The following CCDC102B variants were observed in gnomAD, a reference collection of about 807,000 sequenced individuals.
CCDC102B encodes the protein coiled-coil domain containing 102B.
Under a neutral mutation model 57.4 loss-of-function variants are expected in CCDC102B, and 75 were observed. That is an observed-to-expected ratio of 1.31 (90% CI 1.08 to 1.58). The LOEUF (loss-of-function observed/expected upper bound fraction) is 1.58. CCDC102B is among the 40% of genes most tolerant of loss of function. CCDC102B has a pLI of 0.00. For missense variants in CCDC102B, 636 were observed against 582.6 expected, an observed-to-expected ratio of 1.09 and a Z score of -0.94; for synonymous variants, 206 against 201.9, an observed-to-expected ratio of 1.02 and a Z score of -0.17.
At chr18:69,022,941 A>G (rs1374714111) in intron 7 of CCDC102B, among the ~76,000 whole-genome samples, 3 of 151,912 alleles carry the variant, frequency 2.0e-5, no homozygotes, top group African/African-American at 4.8e-5. Flanking sequence ...AGTAGATTAC[A>G]TCGACAATTG....
chr18:68,779,966 A>G (rs2034951527), intron 2 of CCDC102B, among the ~76,000 whole-genome samples: 1 of 152,148 alleles, frequency 6.6e-6, no homozygotes, highest in Admixed American at 6.6e-5. Flanking sequence ...TTTATCAACC[A>G]AGATAAAATA....
chr18:68,873,552 G>A (rs549209205), intron 4 of CCDC102B, among the ~76,000 whole-genome samples: 1 of 152,152 alleles, frequency 6.6e-6, no homozygotes, highest in East Asian at 1.9e-4. Context: ...AGTTACTTAA[G>A]TCTCTTAACA....
chr18:69,023,661 C>T (rs984074575), intron 7 of CCDC102B, among the ~76,000 whole-genome samples: 1 of 151,888 alleles, frequency 6.6e-6, no homozygotes, highest in Admixed American at 6.6e-5. Flanking sequence ...AAGTAAATGA[C>T]ATGACCATAG....
chr18:68,747,577 T>A (rs544500689), intron 2 of CCDC102B, among the ~76,000 whole-genome samples: 1 of 152,206 alleles, frequency 6.6e-6, no homozygotes, highest in East Asian at 1.9e-4. Context: ...TTTCTATGAG[T>A]TTGGCTATTA....
intron 6 of CCDC102B, among the ~76,000 whole-genome samples, chr18:68,935,601 G>A (rs974451079): frequency 6.6e-5 from 10 of 152,054 alleles, no homozygotes; most frequent in African/African-American, 1.7e-4. Context: ...TAAACTGGGC[G>A]TCTTCAGCTT....
At chr18:68,971,760 C>A (rs1405731110) in intron 6 of CCDC102B, among the ~76,000 whole-genome samples, 2 of 152,068 alleles carry the variant, frequency 1.3e-5, no homozygotes, top group African/African-American at 4.8e-5. Flanking sequence ...CACAGAAAAC[C>A]CAGTGCTTAT....
chr18:68,734,429 A>G (rs937397800), intron 2 of CCDC102B, among the ~76,000 whole-genome samples: 1 of 152,250 alleles, frequency 6.6e-6, no homozygotes, highest in Admixed American at 6.5e-5. Flanking sequence ...TCAGCATTGC[A>G]GAATGTTTTG....
chr18:69,037,601 G>A (rs1350161364), intron 7 of CCDC102B, among the ~76,000 whole-genome samples: 4 of 151,846 alleles, frequency 2.6e-5, no homozygotes, highest in African/African-American at 9.7e-5. Flanking sequence ...AGCATCCTCA[G>A]GTGATTTATG....
intron 1 of CCDC102B, among the ~76,000 whole-genome samples, chr18:68,827,524 C>T (rs997388158): frequency 2.6e-5 from 4 of 151,872 alleles, no homozygotes; most frequent in Admixed American, 6.6e-5. Context: ...CATATATCAG[C>T]CAGGTGGAAT....
intron 6 of CCDC102B, among the ~76,000 whole-genome samples, chr18:68,918,241 A>G (rs1004098946): frequency 6.6e-6 from 1 of 152,214 alleles, no homozygotes; most frequent in African/African-American, 2.4e-5. Flanking sequence ...TACCTTTGAG[A>G]GTCAGCATTC....
chr18:68,968,656 A>T (rs1341999431), intron 6 of CCDC102B, among the ~76,000 whole-genome samples: 1 of 152,172 alleles, frequency 6.6e-6, no homozygotes, highest in African/African-American at 2.4e-5. Context: ...GAACTGATTC[A>T]TCTTGTATAA....
chr18:68,984,954 G>A (rs558087834), intron 6 of CCDC102B, among the ~76,000 whole-genome samples: 5 of 152,204 alleles, frequency 3.3e-5, no homozygotes, highest in South Asian at 4.1e-4. Flanking sequence ...CTATAAGTAG[G>A]TATCTAAGTC....
intron 2 of CCDC102B, among the ~76,000 whole-genome samples, chr18:68,837,858 A>G (rs2037453284): frequency 6.6e-6 from 1 of 152,224 alleles, no homozygotes; most frequent in Non-Finnish European, 1.5e-5. Flanking sequence ...CGTGAACAAC[A>G]CATCTTATTT....
chr18:68,995,415 GA>G (rs1483731379), intron 6 of CCDC102B, among the ~76,000 whole-genome samples: 6 of 152,076 alleles, frequency 3.9e-5, no homozygotes, highest in African/African-American at 1.4e-4. Context: ...GGCTTAGGAG[GA>G]AAAAACGGTT....
chr18:68,767,768 A>C (rs1423806364), intron 2 of CCDC102B, among the ~76,000 whole-genome samples: 2 of 152,164 alleles, frequency 1.3e-5, no homozygotes, highest in African/African-American at 2.4e-5. Flanking sequence ...ATCAAGATTT[A>C]TGTTAAATAT....
Position 68,931,418 on chromosome 18 carries a change from A to G in CCDC102B, c.1263+33990A>G, listed in dbSNP as rs1031567173. Among the ~76,000 whole-genome samples, 4 of 151,818 alleles carry G rather than the reference A, an allele frequency of 2.6e-5. 1 individual carries two copies. The highest frequency in any genetic ancestry group is 5.9e-5 in the Non-Finnish European group (4 of 67,918). ...AATCTAATTTGGACCAACACCTTCC[A>G]TGTTGTAGTTTTGATTTCCTGAGGA... On this transcript the variant is annotated intron_variant, in intron 6 of 7. Coordinates refer to ENST00000360242, the MANE Select transcript of CCDC102B (RefSeq NM_024781.3).
chr18:68,870,272 T>TA (rs2039186783), intron 4 of CCDC102B, among the ~76,000 whole-genome samples: 1 of 152,056 alleles, frequency 6.6e-6, no homozygotes, highest in Non-Finnish European at 1.5e-5. Flanking sequence ...GACGGGTTGA[T>TA]AGGTGCAGCA....
chr18:69,007,325 C>T (rs1029267665), intron 6 of CCDC102B, among the ~76,000 whole-genome samples: 1 of 152,160 alleles, frequency 6.6e-6, no homozygotes, highest in Admixed American at 6.5e-5. Flanking sequence ...TACCAAGTGT[C>T]TGCCAACCCC....
intron 6 of CCDC102B, among the ~76,000 whole-genome samples, chr18:68,972,750 T>C (rs2050334747): frequency 6.6e-6 from 1 of 152,196 alleles, no homozygotes; most frequent in East Asian, 1.9e-4. Flanking sequence ...TTTTTAATAA[T>C]TCTATTCAAA....
Sources: allele counts gnomAD v4.1 joint callset (sites outside exome capture counted in the v4.1 genomes callset), GRCh38; gene constraint gnomAD v4.1.1; transcripts MANE v1.5; gene names NCBI Gene and HGNC (gene_info 2026-07-23, HGNC 2026-07-21).